USP36: variants seen among roughly 807,000 people sequenced by gnomAD.
USP36 encodes ubiquitin specific peptidase 36.
A neutral mutation model predicts 111.5 loss-of-function variants in USP36; 59 were observed. The ratio of observed to expected loss-of-function variants is 0.53; its 90% confidence interval spans 0.43 to 0.66. The LOEUF (loss-of-function observed/expected upper bound fraction) is 0.66. Among genes scored for constraint, USP36 ranks in the 30% least tolerant of loss-of-function variants. USP36 has a pLI of 0.00. For missense variants in USP36, 1,488 were observed against 1,468.0 expected (o/e 1.01, Z -0.22); for synonymous variants, 628 against 581.0 (o/e 1.08, Z -1.16).
At position 78,823,058 on chromosome 17, in the gene USP36, C is replaced by T; in HGVS notation, c.690-1054G>A. 3 of 398,742 alleles carry T rather than the reference C, an allele frequency of 7.5e-6. No individual in the cohort carries two copies. The Admixed American group carries it at 1.3e-4, about 18-fold the overall frequency. 24.7% of individuals were successfully genotyped at this position (398,742 alleles called of 1,614,324 possible). On this transcript the variant is annotated intron_variant, in intron 6 of 20. Coordinates refer to ENST00000449938, the MANE Select transcript of USP36 (RefSeq NM_001385174.1). ...TTCCACACCCGCAGGCTACACTTCC[C>T]CTCCCACAGAACATGCACACCTCAG...
chr17:78,799,163 C>A, intron 18 of USP36, 140 bp from the exon 19 acceptor site: 1 of 836,256 alleles, frequency 1.2e-6, no homozygotes, highest in Non-Finnish European at 1.9e-6. Context: ...AAGAGAAGGA[C>A]AAGAGGAGGA....
At chr17:78,808,866 AT>A (rs2093981449) in intron 13 of USP36, among the ~76,000 whole-genome samples, 1 of 152,000 alleles carries the variant, frequency 6.6e-6, no homozygotes, top group Non-Finnish European at 1.5e-5. Flanking sequence ...CTTAAAAAAT[AT>A]TTGTTGAGCT....
rs78126166 is a variant in USP36 at position 78,820,740 on chromosome 17, G to A, written c.828+251C>T. On this transcript the variant is annotated intron_variant, in intron 8 of 20. Coordinates refer to ENST00000449938, the MANE Select transcript of USP36 (RefSeq NM_001385174.1). The stretch of plus-strand genomic sequence containing the variant: ...ACTCTCCTCAAGCCCTGGGGACAGC[G>A]TTGTTCCTGTTCATGCTTCAGGACA... Among the ~76,000 whole-genome samples the A allele has an allele frequency of 6.0e-3, 920 of 152,252 alleles. 13 individuals carry two copies. Among genetic ancestry groups the A allele is most frequent in the African/African-American group, 0.021 (852 of 41,528 alleles).
rs201335912 is a variant in USP36 at position 78,836,142 on chromosome 17, C to T, written c.222G>A (p.Lys74=). 6.2e-5 allele frequency: 100 copies of T among 1,613,794 alleles called. No homozygotes were observed. The highest frequency in any genetic ancestry group is 8.1e-5 in the Non-Finnish European group (95 of 1,180,060). The change falls in exon 3 of 21, where the codon AAG becomes AAA. Residue 74 remains lysine (K), a synonymous_variant. Coordinates refer to ENST00000449938, the MANE Select transcript of USP36 (RefSeq NM_001385174.1). Reference sequence around the variant, plus strand: ...TCCTGGCCGGTGGGTCATCTCCACTCTTGTGGCGACTAGCTCCCTCTGTTT... The same window carrying T: ...TCCTGGCCGGTGGGTCATCTCCACTTTTGTGGCGACTAGCTCCCTCTGTTT... ...NPKTEGASRH[K]SGDDPPARRQ...
At chr17:78,804,126 GTA>G in intron 15 of USP36, 148 bp from the exon 16 acceptor site, 1 of 581,642 alleles carries the variant, frequency 1.7e-6, no homozygotes, top group South Asian at 2.4e-5. Flanking sequence ...TAAGTTACAT[GTA>G]TGTTTGAAAG....
chr17:78,811,523 T>A (rs1350118422), intron 13 of USP36, among the ~76,000 whole-genome samples: 1 of 152,150 alleles, frequency 6.6e-6, no homozygotes, highest in African/African-American at 2.4e-5. Flanking sequence ...ACAGCAGAAT[T>A]ACCCAAATCA....
rs569249924 is a variant in USP36, at chr17:78,831,537, T to C, written c.476-2530A>G. Among the ~76,000 whole-genome samples, 17 of 152,140 alleles carry C rather than the reference T, an allele frequency of 1.1e-4. No homozygotes were observed. The South Asian group carries it at 1.9e-3, about 17-fold the overall frequency. ...ATGAGGGAAGAGAATCGCTTGAACC[T>C]GGGAGGTGGGGGTTGCAGTGAGCCG... is the stretch of plus-strand genomic sequence containing the variant. On this transcript the variant is annotated intron_variant, in intron 4 of 20. Transcript: ENST00000449938.
intron 1 of USP36, among the ~76,000 whole-genome samples, chr17:78,839,227 G>T (rs1022358156): frequency 1.3e-5 from 2 of 152,150 alleles, no homozygotes; most frequent in African/African-American, 4.8e-5. Flanking sequence ...ACAGTTTACA[G>T]TGAAAACATT....
intron 13 of USP36, among the ~76,000 whole-genome samples, chr17:78,807,984 G>A (rs2093954252): frequency 6.6e-6 from 1 of 152,148 alleles, no homozygotes; most frequent in South Asian, 2.1e-4. Flanking sequence ...GATTACAGGT[G>A]TGAGCCATAG....
chr17:78,827,836 G>A (rs1425603089), intron 5 of USP36, among the ~76,000 whole-genome samples: 1 of 152,224 alleles, frequency 6.6e-6, no homozygotes, highest in Non-Finnish European at 1.5e-5. Context: ...TTGAGCCTAG[G>A]AGGTTGAGGC....
intron 1 of USP36, 132 bp from the exon 2 acceptor site, chr17:78,838,882 T>C (rs2068970984): frequency 6.6e-6 from 1 of 152,068 alleles, no homozygotes; most frequent in South Asian, 2.1e-4. Context: ...CATCCACGCG[T>C]GCACTCAGGA....
chr17:78,792,318 C>T (rs773873742), downstream of USP36, among the ~76,000 whole-genome samples: 10 of 151,948 alleles, frequency 6.6e-5, no homozygotes, highest in Non-Finnish European at 1.2e-4. Flanking sequence ...GAGCAAGGTC[C>T]CCAGGGTGGA....
chr17:78,824,333 C>A (rs564996527), intron 6 of USP36, among the ~76,000 whole-genome samples: 1 of 152,176 alleles, frequency 6.6e-6, no homozygotes. Flanking sequence ...AAGGGTACCA[C>A]GGTGGACTGC....
At position 78,822,718 on chromosome 17, in the gene USP36, T is replaced by C. The variant is rs190588138; in HGVS notation, c.690-714A>G. Among the ~76,000 whole-genome samples the C allele has an allele frequency of 5.3e-3, 806 of 152,252 alleles. 6 individuals carry two copies. The highest frequency in any genetic ancestry group is 0.018 in the African/African-American group (748 of 41,540). Reference sequence around the variant, plus strand: ...TATGGTAGCTACTCACGCTGGAAGGTTCTGAAACAATACACCACATCCAGT... The same window carrying C: ...TATGGTAGCTACTCACGCTGGAAGGCTCTGAAACAATACACCACATCCAGT... On this transcript the variant is annotated intron_variant, in intron 6 of 20. Coordinates refer to ENST00000449938, the MANE Select transcript of USP36 (RefSeq NM_001385174.1).
intron 3 of USP36, among the ~76,000 whole-genome samples, chr17:78,790,106 TG>T (rs2093570319): frequency 6.6e-6 from 1 of 152,040 alleles, no homozygotes; most frequent in Non-Finnish European, 1.5e-5. Context: ...TTTTTTTTTT[TG>T]AGACGAAGTC....
rs1599080134 is a variant in USP36, at chr17:78,827,358, A to G, written c.587-11T>C. ...AGTGTCGGGCGATCTCTAAAAGAGG[A>G]AGAAACAGGGAGGGAAGAGCTCGTG... On this transcript the variant is annotated splice_polypyrimidine_tract_variant and intron_variant, in intron 5 of 20. Coordinates refer to ENST00000449938, the MANE Select transcript of USP36 (RefSeq NM_001385174.1). 2 of 1,605,106 alleles carry G rather than the reference A, an allele frequency of 1.2e-6. No individual in the cohort carries two copies. The highest frequency in any genetic ancestry group is 4.5e-5 in the East Asian group (2 of 44,678).
In USP36 at chr17:78,812,908, G is replaced by A. The variant is rs1461126831; in HGVS notation, c.1359C>T (p.Ser453=). 3.7e-6 allele frequency: 6 copies of A among 1,613,804 alleles called. No individual in the cohort carries two copies. Among genetic ancestry groups the A allele is most frequent in the Non-Finnish European group, 4.2e-6 (5 of 1,179,986 alleles). ...PGRPSVIPDH[S]KKNIGNGIIS... is the part of the protein sequence containing the mutation. The stretch of plus-strand genomic sequence containing the variant: ...TAATCCCATTGCCGATGTTCTTCTT[G>A]GAGTGATCTGGAATCACACTCGGGC... Residue 453 remains serine, a synonymous_variant, in exon 13 of 21, where the codon TCC becomes TCT. Transcript: ENST00000449938.
At chr17:78,836,432 T>C in intron 2 of USP36, 60 bp from the exon 3 acceptor site, 1 of 1,569,838 alleles carries the variant, frequency 6.4e-7, no homozygotes, top group Non-Finnish European at 8.6e-7. Flanking sequence ...CAAAAACATC[T>C]CTTAAGATCT....
chr17:78,803,905 T>C lies in USP36; in HGVS notation c.2290A>G (p.Ser764Gly). The change falls in exon 16 of 21, where the codon AGT becomes GGT. Residue 764 changes from serine to glycine, a missense_variant. Physicochemically the swap from Ser to Gly is moderately conservative, Grantham distance 56. Coordinates refer to ENST00000449938, the MANE Select transcript of USP36 (RefSeq NM_001385174.1). This position sits in a 1 kb window ranked among gnomAD's most constrained non-coding sequence, Gnocchi z 4.6. Reference protein sequence around the residue: ...PFSPHPTLLSSTPKPPGTSEP... With the variant: ...PFSPHPTLLSGTPKPPGTSEP... ...GACGTCCCTGGGGGCTTGGGGGTAC[T>C]GGACAGCAATGTGGGGTGGGGGCTG... The C allele has an allele frequency of 5.4e-6, 7 of 1,301,888 alleles. No individual in the cohort carries two copies. Among genetic ancestry groups the C allele is most frequent in the Non-Finnish European group, 7.0e-6 (7 of 999,266 alleles). The allele number at this position is 1,301,888 out of a possible 1,614,324, so 80.6% of individuals were successfully genotyped here.
Sources: gnomAD v4.1 joint callset for allele counts (sites outside exome capture counted in the v4.1 genomes callset) on GRCh38, gnomAD v4.1.1 for gene constraint, Gnocchi (gnomAD v3.1) non-coding constraint, MANE v1.5 for transcripts, NCBI Gene and HGNC (gene_info 2026-07-23, HGNC 2026-07-21) for gene names.